Variants in PHF24 observed in about 807,000 individuals in gnomAD.
PHF24 encodes the protein Galpha inhibitory interacting protein.
PHF24 carries 25 observed loss-of-function variants against 42.6 expected under a neutral mutation model. That is an observed-to-expected ratio of 0.59 (90% CI 0.43 to 0.82). The LOEUF (loss-of-function observed/expected upper bound fraction) is 0.82. PHF24 is among the 40% of genes least tolerant of loss of function. The pLI is 0.00. For missense variants in PHF24, 470 were observed against 538.1 expected (o/e 0.87, Z 1.25); for synonymous variants, 185 against 204.8 (o/e 0.90, Z 0.83).
the PHF24 span, among the ~76,000 whole-genome samples, chr9:34,790,241 C>T: frequency 6.6e-6 from 1 of 152,150 alleles, no homozygotes; most frequent in African/African-American, 2.4e-5. Context: ...AGAGTGATGC[C>T]AGTCTGAGGT....
chr9:34,723,229 G>A, the PHF24 span: 467 of 1,550,882 alleles, frequency 3.0e-4, no homozygotes, highest in Non-Finnish European at 3.8e-4. Context: ...TGAGGGTCAG[G>A]AGCTAGGTTG....
At chr9:34,717,463 A>G in the PHF24 span, among the ~76,000 whole-genome samples, 1 of 152,112 alleles carries the variant, frequency 6.6e-6, no homozygotes, top group Non-Finnish European at 1.5e-5. Context: ...GGACCCTTCA[A>G]GGATGGAGCC....
At chr9:34,683,434 A>G in the PHF24 span, among the ~76,000 whole-genome samples, 1 of 152,194 alleles carries the variant, frequency 6.6e-6, no homozygotes, top group Non-Finnish European at 1.5e-5. Context: ...GAGATCCATG[A>G]TGGAATGAGG....
chr9:34,671,454 A>G, the PHF24 span, among the ~76,000 whole-genome samples: 1 of 152,228 alleles, frequency 6.6e-6, no homozygotes, highest in South Asian at 2.1e-4. Context: ...TCATCTGCCT[A>G]TGCTGCACTT....
the PHF24 span, among the ~76,000 whole-genome samples, chr9:34,900,771 A>G: frequency 6.6e-6 from 1 of 152,322 alleles, no homozygotes; most frequent in East Asian, 1.9e-4. Context: ...TCATGAGAAC[A>G]GAGTGGATTA....
At chr9:34,799,015 T>C in the PHF24 span, among the ~76,000 whole-genome samples, 1 of 152,200 alleles carries the variant, frequency 6.6e-6, no homozygotes, top group African/African-American at 2.4e-5. Flanking sequence ...TTGAGAAGTA[T>C]CTGTATGTCC....
the PHF24 span, chr9:34,724,043 C>T: frequency 2.0e-6 from 3 of 1,527,144 alleles, no homozygotes; most frequent in Non-Finnish European, 2.7e-6. Context: ...GCGCCCAAAC[C>T]CCGCATCCCC....
the PHF24 span, among the ~76,000 whole-genome samples, chr9:34,699,243 A>T: frequency 1.3e-5 from 2 of 152,226 alleles, no homozygotes; most frequent in African/African-American, 4.8e-5. Context: ...TTACAGCTTC[A>T]TGGAGATGTT....
the PHF24 span, chr9:34,922,637 T>A: frequency 9.6e-7 from 1 of 1,042,596 alleles, no homozygotes; most frequent in Non-Finnish European, 1.5e-6. Flanking sequence ...CAGTACATCA[T>A]TGCAGCTATC....
the PHF24 span, among the ~76,000 whole-genome samples, chr9:34,805,769 C>A: frequency 2.0e-5 from 3 of 152,066 alleles, no homozygotes; most frequent in Non-Finnish European, 4.4e-5. Flanking sequence ...GGTGTCATAT[C>A]CAAGAAGTCA....
chr9:34,863,087 G>A, the PHF24 span, among the ~76,000 whole-genome samples: 1 of 151,884 alleles, frequency 6.6e-6, no homozygotes, highest in Non-Finnish European at 1.5e-5. Flanking sequence ...CTTGTGGTTT[G>A]GGTGCCTGCT....
At chr9:34,981,741 T>C (rs905848399) in exon 8 of PHF24, 42 of 151,976 alleles carry the variant, frequency 2.8e-4, no homozygotes, top group Non-Finnish European at 1.5e-4. Flanking sequence ...ATTTTCTTTT[T>C]TTTTTTTTTT....
the PHF24 span, among the ~76,000 whole-genome samples, chr9:34,737,553 ATAGG>A: frequency 6.6e-6 from 1 of 152,198 alleles, no homozygotes; most frequent in African/African-American, 2.4e-5. Flanking sequence ...GGGTATATAC[ATAGG>A]AGTAGAATTG....
the PHF24 span, among the ~76,000 whole-genome samples, chr9:34,870,358 G>A: frequency 6.6e-6 from 1 of 151,860 alleles, no homozygotes; most frequent in Non-Finnish European, 1.5e-5. Flanking sequence ...ATCGACCCTT[G>A]TTAGTATCAT....
chr9:34,865,262 G>A, the PHF24 span, among the ~76,000 whole-genome samples: 1 of 151,550 alleles, frequency 6.6e-6, no homozygotes, highest in African/African-American at 2.4e-5. Context: ...TTATAAGATA[G>A]TATTTGAAAA....
At chr9:34,895,120 C>T in the PHF24 span, 5 of 398,424 alleles carry the variant, frequency 1.3e-5, no homozygotes, top group African/African-American at 2.1e-5. Context: ...AAAGCTGCTA[C>T]ACCATTTTTT....
At chr9:34,709,642 C>T in the PHF24 span, 4 of 1,614,182 alleles carry the variant, frequency 2.5e-6, no homozygotes, top group Non-Finnish European at 3.4e-6. Context: ...TCCTTTGGGT[C>T]TGCACATAGC....
At chr9:34,964,216 A>T (rs1035540995) in intron 1 of PHF24, among the ~76,000 whole-genome samples, 11 of 152,014 alleles carry the variant, frequency 7.2e-5, no homozygotes, top group African/African-American at 2.7e-4. Context: ...GGAAGCCCTA[A>T]CCTCCAGGCA....
chr9:34,969,312 A>AGT (rs1467303038), intron 1 of PHF24, among the ~76,000 whole-genome samples: 1 of 152,218 alleles, frequency 6.6e-6, no homozygotes, highest in Non-Finnish European at 1.5e-5. Context: ...AATTTCTGTA[A>AGT]GTGGCACTAC....
Sources: allele counts gnomAD v4.1 joint callset (sites outside exome capture counted in the v4.1 genomes callset), GRCh38; gene constraint gnomAD v4.1.1; transcripts MANE v1.5; gene names NCBI Gene and HGNC (gene_info 2026-07-23, HGNC 2026-07-21).